The following BMP2K variants were observed in gnomAD, a reference collection of about 807,000 sequenced individuals.
BMP2K encodes the protein BMP-2-inducible protein kinase.
A neutral mutation model predicts 116.0 loss-of-function variants in BMP2K; 74 were observed. The ratio of observed to expected loss-of-function variants is 0.64; its 90% confidence interval spans 0.53 to 0.77. The LOEUF is 0.77. Ranked by LOEUF, BMP2K falls within the 30% of genes least tolerant of loss-of-function variation. The pLI is 0.00. For synonymous variants in BMP2K, 486 were observed against 502.5 expected (o/e 0.97, Z 0.44); for missense variants, 1,365 against 1,403.6 (o/e 0.97, Z 0.44).
chr4:78,916,074 C>A lies in BMP2K; in HGVS notation c.*4041C>A, dbSNP rs1222851494. 1.3e-5 allele frequency: 2 copies of A among 151,844 alleles called. No individual in the cohort carries two copies. The highest frequency in any genetic ancestry group is 2.9e-5 in the Non-Finnish European group (2 of 67,856). The allele number at this position is 151,844 out of a possible 1,614,324, so 9.4% of individuals were successfully genotyped here. A position where few individuals can be genotyped will look rare whatever the true frequency, so the allele number is the denominator to read the frequency against. The stretch of plus-strand genomic sequence containing the variant: ...ATCTTTATTGTATTTCTACTTGTTA[C>A]AAAACATACTTGCTAAAGTAACTTC... On this transcript the variant is annotated 3_prime_UTR_variant, in exon 16 of 16. Coordinates refer to ENST00000502613, the MANE Select transcript of BMP2K (RefSeq NM_198892.2).
intron 1 of BMP2K, among the ~76,000 whole-genome samples, chr4:78,790,897 T>A (rs1284270102): frequency 6.6e-6 from 1 of 152,090 alleles, no homozygotes; most frequent in Admixed American, 6.5e-5. Flanking sequence ...AATAAATTTT[T>A]AAAAATGTAA....
intron 1 of BMP2K, among the ~76,000 whole-genome samples, chr4:78,803,360 AAAAATAGTAGCTTTATTTTTGTTTC>A (rs1178615538): frequency 1.3e-5 from 2 of 152,054 alleles, no homozygotes; most frequent in East Asian, 3.9e-4. Flanking sequence ...AATTGCTATT[AAAAATAGTAGCTTTATTTTTGTTTC>A]AGTGTCTCTT....
chr4:78,792,220 C>T (rs1053858650), intron 1 of BMP2K, among the ~76,000 whole-genome samples: 5 of 152,124 alleles, frequency 3.3e-5, no homozygotes, highest in Non-Finnish European at 2.9e-5. Flanking sequence ...AAAAGATGTA[C>T]GTTTTCCTAA....
intron 1 of BMP2K, among the ~76,000 whole-genome samples, chr4:78,823,099 ATTTC>A (rs1322867253): frequency 1.3e-5 from 2 of 152,154 alleles, no homozygotes; most frequent in African/African-American, 2.4e-5. Context: ...TTTAGGTAGA[ATTTC>A]TTTCTTGAAG....
chr4:78,789,486 T>C (rs1437958443), intron 1 of BMP2K, among the ~76,000 whole-genome samples: 2 of 152,132 alleles, frequency 1.3e-5, no homozygotes, highest in African/African-American at 4.8e-5. Context: ...TTGGAACTGG[T>C]TTAAGGGACC....
chr4:78,870,013 A>T (rs1479020986), intron 10 of BMP2K, among the ~76,000 whole-genome samples: 1 of 152,134 alleles, frequency 6.6e-6, no homozygotes, highest in Non-Finnish European at 1.5e-5. Flanking sequence ...TTGCATTTGA[A>T]TGTAGGGTAA....
rs916138681 is a variant in BMP2K, at chr4:78,905,035, G to A, written c.2063-5575G>A. On this transcript the variant is annotated intron_variant, in intron 15 of 15. Coordinates refer to ENST00000502613, the MANE Select transcript of BMP2K (RefSeq NM_198892.2). ...GTATAAATATGTGGAATATATGAAT[G>A]TATTCCTATTTTGATTTTTTTTCAC... Among the ~76,000 whole-genome samples, 5 of 151,652 alleles carry A rather than the reference G, an allele frequency of 3.3e-5. No homozygotes were observed. In the East Asian group the frequency reaches 5.8e-4, roughly 18 times the overall value.
chr4:78,788,699 T>C (rs1053069764), intron 1 of BMP2K, among the ~76,000 whole-genome samples: 2 of 151,768 alleles, frequency 1.3e-5, no homozygotes, highest in Non-Finnish European at 2.9e-5. Flanking sequence ...CTCATGAGTT[T>C]TTTTTTTTTT....
At position 78,805,726 on chromosome 4, in the gene BMP2K, T is replaced by A. The variant is rs189663258; in HGVS notation, c.179-20311T>A. Among the ~76,000 whole-genome samples the A allele has an allele frequency of 2.9e-3, 443 of 152,268 alleles. 4 individuals carry two copies. Among genetic ancestry groups the A allele is most frequent in the South Asian group, 0.011 (54 of 4,830 alleles). On this transcript the variant is annotated intron_variant, in intron 1 of 15. Coordinates refer to ENST00000502613, the MANE Select transcript of BMP2K (RefSeq NM_198892.2). ...TGGCTCACACCTGTAACCCCAGCAC[T>A]TTGGGAGGCTGAGGCGGGTGGATCA...
At chr4:78,884,707 C>A (rs933320890) in intron 14 of BMP2K, among the ~76,000 whole-genome samples, 2 of 152,100 alleles carry the variant, frequency 1.3e-5, no homozygotes, top group Non-Finnish European at 2.9e-5. Context: ...GATTCTGATA[C>A]AAGGCATAAT....
At chr4:78,882,072 C>G (rs1490216358) in intron 14 of BMP2K, among the ~76,000 whole-genome samples, 1 of 151,464 alleles carries the variant, frequency 6.6e-6, no homozygotes, top group Admixed American at 6.6e-5. Context: ...TAATACATTC[C>G]CATTTGGGGT....
chr4:78,794,133 C>T (rs964000193), intron 1 of BMP2K, among the ~76,000 whole-genome samples: 7 of 152,224 alleles, frequency 4.6e-5, no homozygotes, highest in Admixed American at 2.6e-4. Context: ...GTAGACTCCT[C>T]CCCTGACCTC....
At chr4:78,798,520 A>G (rs772748988) in intron 1 of BMP2K, among the ~76,000 whole-genome samples, 3 of 152,224 alleles carry the variant, frequency 2.0e-5, no homozygotes, top group Non-Finnish European at 4.4e-5. Flanking sequence ...GTTCTTAGAA[A>G]AACTATGATC....
At chr4:78,887,053 A>C in intron 14 of BMP2K, 121 bp from the exon 15 acceptor site, 1 of 655,928 alleles carries the variant, frequency 1.5e-6, no homozygotes. Flanking sequence ...TCTGAACCTA[A>C]TGTTTTGCAA....
At chr4:78,855,013 T>C (rs1263318787) in intron 7 of BMP2K, among the ~76,000 whole-genome samples, 1 of 152,124 alleles carries the variant, frequency 6.6e-6, no homozygotes, top group Admixed American at 6.6e-5. Flanking sequence ...TGGCTCTGGG[T>C]TTCTACTTGT....
chr4:78,794,130 C>T (rs1347926480), intron 1 of BMP2K, among the ~76,000 whole-genome samples: 2 of 152,108 alleles, frequency 1.3e-5, no homozygotes, highest in Non-Finnish European at 2.9e-5. Context: ...TTTGTAGACT[C>T]CTCCCCTGAC....
At chr4:78,777,165 A>G (rs1288015965) in intron 1 of BMP2K, among the ~76,000 whole-genome samples, 1 of 152,056 alleles carries the variant, frequency 6.6e-6, no homozygotes. Context: ...CCCTGGTGTC[A>G]AGCTGGGCTT....
chr4:78,853,604 T>G (rs540473886), intron 7 of BMP2K, among the ~76,000 whole-genome samples: 3 of 152,268 alleles, frequency 2.0e-5, no homozygotes, highest in African/African-American at 7.2e-5. Context: ...TTTTGGCTCC[T>G]GTGTTGTAAG....
chr4:78,873,445 C>G (rs1732470416), intron 13 of BMP2K, among the ~76,000 whole-genome samples: 1 of 152,014 alleles, frequency 6.6e-6, no homozygotes, highest in Non-Finnish European at 1.5e-5. Flanking sequence ...TTTTAGATAC[C>G]TAGGAGGTAG....
Sources: allele counts gnomAD v4.1 joint callset (sites outside exome capture counted in the v4.1 genomes callset), GRCh38; gene constraint gnomAD v4.1.1; transcripts MANE v1.5; gene names NCBI Gene and HGNC (gene_info 2026-07-23, HGNC 2026-07-21).